PTPRD: variants seen among roughly 807,000 people sequenced by gnomAD.
The protein encoded by PTPRD is receptor-type tyrosine-protein phosphatase delta.
In PTPRD, 34 loss-of-function variants were observed where a neutral mutation model predicts 214.5. The ratio of observed to expected loss-of-function variants is 0.16; its 90% CI spans 0.12 to 0.21. PTPRD has a LOEUF of 0.21. PTPRD is among the 10% of genes least tolerant of loss of function. PTPRD has a pLI of 1.00. For synonymous variants in PTPRD, 1,128 were observed against 845.7 expected, an observed-to-expected ratio of 1.33 and a Z score of -5.79; for missense variants, 2,545 against 2,398.7, an observed-to-expected ratio of 1.06 and a Z score of -1.27.
chr9:8,496,643 T>TA (rs1369567294), intron 26 of PTPRD, among the ~76,000 whole-genome samples: 26 of 152,212 alleles, frequency 1.7e-4, no homozygotes, highest in African/African-American at 6.3e-4. Flanking sequence ...CACTTCTAGT[T>TA]AGAGTTAATC....
chr9:10,338,941 A>G (rs777713751), intron 3 of PTPRD, among the ~76,000 whole-genome samples: 5 of 103,994 alleles, frequency 4.8e-5, no homozygotes, highest in Non-Finnish European at 1.2e-4. Context: ...TAATGTAGAC[A>G]AAAAAAAAAA....
chr9:8,418,842 C>A (rs922862789), intron 35 of PTPRD, among the ~76,000 whole-genome samples: 1 of 151,978 alleles, frequency 6.6e-6, no homozygotes, highest in East Asian at 1.9e-4. Flanking sequence ...ACAACTTGAA[C>A]AAGGCCTAGA....
At chr9:8,411,863 A>G (rs1294525941) in intron 35 of PTPRD, among the ~76,000 whole-genome samples, 1 of 152,192 alleles carries the variant, frequency 6.6e-6, no homozygotes, top group Admixed American at 6.5e-5. Flanking sequence ...GTTCTTAAGA[A>G]TAGAATGTGT....
At chr9:9,850,798 A>G (rs1182660718) in intron 5 of PTPRD, among the ~76,000 whole-genome samples, 1 of 152,124 alleles carries the variant, frequency 6.6e-6, no homozygotes, top group Non-Finnish European at 1.5e-5. Context: ...CCAAAATATT[A>G]TATCCTTTGA....
At chr9:8,339,438 C>G (rs955737320) in intron 42 of PTPRD, among the ~76,000 whole-genome samples, 1 of 152,076 alleles carries the variant, frequency 6.6e-6, no homozygotes. Context: ...ACTTGCACCA[C>G]TATGGTTTGG....
intron 9 of PTPRD, among the ~76,000 whole-genome samples, chr9:9,271,629 C>A (rs916829221): frequency 4.0e-5 from 6 of 151,326 alleles, no homozygotes; most frequent in Non-Finnish European, 7.4e-5. Flanking sequence ...TGTTGCTATG[C>A]AACTCAGAGA....
At chr9:9,524,640 G>T (rs190424135) in intron 8 of PTPRD, among the ~76,000 whole-genome samples, 2 of 152,240 alleles carry the variant, frequency 1.3e-5, no homozygotes, top group Admixed American at 1.3e-4. Flanking sequence ...ATTGGTCTCA[G>T]ATCTATGAGA....
chr9:10,166,180 A>G (rs1421527000), intron 3 of PTPRD, among the ~76,000 whole-genome samples: 1 of 150,106 alleles, frequency 6.7e-6, no homozygotes, highest in Non-Finnish European at 1.5e-5. Flanking sequence ...AATAGAGAAG[A>G]TACTGTTTAA....
intron 5 of PTPRD, among the ~76,000 whole-genome samples, chr9:9,828,198 T>C (rs1395355043): frequency 2.6e-5 from 4 of 152,032 alleles, no homozygotes; most frequent in Non-Finnish European, 4.4e-5. Context: ...TAAAGACACA[T>C]ACACACGCAT....
rs554786592 is a variant in PTPRD at position 10,254,646 on chromosome 9, G to C, written c.-545+86317C>G. Among the ~76,000 whole-genome samples the C allele has an allele frequency of 2.9e-3, 435 of 152,232 alleles. 1 individual carries two copies. Among genetic ancestry groups the C allele is most frequent in the African/African-American group, 0.01 (419 of 41,530 alleles). On this transcript the variant is annotated intron_variant, in intron 3 of 45. Coordinates refer to ENST00000381196, the MANE Select transcript of PTPRD (RefSeq NM_002839.4). ...TCCTCACATTACAAATAGAGTAAAA[G>C]ATTCCCAAAAGGAAGGGGATCCTTT...
chr9:9,287,585 G>C (rs750766475), intron 9 of PTPRD, among the ~76,000 whole-genome samples: 2 of 151,850 alleles, frequency 1.3e-5, no homozygotes, highest in Non-Finnish European at 2.9e-5. Context: ...CATTAAATCT[G>C]TGAGTCTAAA....
chr9:8,663,844 A>G (rs946665131), intron 12 of PTPRD, among the ~76,000 whole-genome samples: 1 of 152,078 alleles, frequency 6.6e-6, no homozygotes, highest in African/African-American at 2.4e-5. Flanking sequence ...ATGAAATCAC[A>G]AAAATGATTA....
At chr9:10,547,082 T>C (rs1036685948) in intron 2 of PTPRD, among the ~76,000 whole-genome samples, 5 of 152,044 alleles carry the variant, frequency 3.3e-5, no homozygotes, top group African/African-American at 1.2e-4. Flanking sequence ...TTTCTCTAAG[T>C]GTAGGCTAAC....
At chr9:8,796,020 A>C (rs2096409028) in intron 11 of PTPRD, among the ~76,000 whole-genome samples, 1 of 152,216 alleles carries the variant, frequency 6.6e-6, no homozygotes, top group Admixed American at 6.5e-5. Context: ...CCAAATGATA[A>C]ACTATGATGA....
At chr9:9,833,154 T>G (rs1035110667) in intron 5 of PTPRD, among the ~76,000 whole-genome samples, 4 of 151,864 alleles carry the variant, frequency 2.6e-5, no homozygotes, top group Non-Finnish European at 4.4e-5. Flanking sequence ...AACTAGACAA[T>G]CTGTTAAGGG....
At chr9:9,614,288 G>A (rs537428040) in intron 7 of PTPRD, among the ~76,000 whole-genome samples, 5 of 152,030 alleles carry the variant, frequency 3.3e-5, no homozygotes, top group South Asian at 2.1e-4. Flanking sequence ...CTATAATAAA[G>A]CAATTCTCAG....
At chr9:10,120,659 T>C (rs1264243471) in intron 3 of PTPRD, among the ~76,000 whole-genome samples, 1 of 87,782 alleles carries the variant, frequency 1.1e-5, no homozygotes, top group Non-Finnish European at 2.6e-5. Flanking sequence ...ATCAATATTA[T>C]ATAAATTTTG....
intron 44 of PTPRD, 48 bp from the exon 45 acceptor site, chr9:8,320,014 T>C (rs1436390819): frequency 1.3e-6 from 2 of 1,594,644 alleles, no homozygotes; most frequent in Non-Finnish European, 1.7e-6. Flanking sequence ...GTTCACAGTC[T>C]TGGCCACATT....
At position 9,507,407 on chromosome 9, in the gene PTPRD, G is replaced by C. The variant is rs112619844; in HGVS notation, c.-237+67325C>G. On this transcript the variant is annotated intron_variant, in intron 8 of 45. Coordinates refer to ENST00000381196, the MANE Select transcript of PTPRD (RefSeq NM_002839.4). ...TGTCTGAATTGTATACAATAAAAAT[G>C]TAAGGCTTTGTACTAAGAACAAAAT... 5.0e-3 allele frequency among the ~76,000 whole-genome samples: 750 copies of C among 151,152 alleles called. 5 individuals are homozygous for C. The highest frequency in any genetic ancestry group is 0.017 in the African/African-American group (703 of 41,456).
Sources: allele counts gnomAD v4.1 joint callset (sites outside exome capture counted in the v4.1 genomes callset), GRCh38; gene constraint gnomAD v4.1.1; transcripts MANE v1.5; gene names NCBI Gene and HGNC (gene_info 2026-07-23, HGNC 2026-07-21).